LINGO2: variants seen among roughly 807,000 people sequenced by gnomAD.
LINGO2 encodes leucine rich repeat and Ig domain containing 2.
Under a neutral mutation model 30.6 loss-of-function variants are expected in LINGO2, and 14 were observed. The ratio of observed to expected loss-of-function variants is 0.46; its 90% CI spans 0.30 to 0.72. LINGO2 has a LOEUF of 0.72. LINGO2 is among the 30% of genes least tolerant of loss of function. The pLI, the probability that LINGO2 is intolerant of heterozygous loss-of-function variation, is 0.07. For synonymous variants in LINGO2, 317 were observed against 288.5 expected, an observed-to-expected ratio of 1.10 and a Z score of -1.00; for missense variants, 729 against 751.7, an observed-to-expected ratio of 0.97 and a Z score of 0.35.
At chr9:27,966,651 T>C (rs1820115274) in intron 5 of LINGO2, among the ~76,000 whole-genome samples, 1 of 152,056 alleles carries the variant, frequency 6.6e-6, no homozygotes, top group Non-Finnish European at 1.5e-5. Flanking sequence ...GACAGGTTGA[T>C]AGCTGCAGCA....
intron 4 of LINGO2, among the ~76,000 whole-genome samples, chr9:28,223,701 G>A (rs867335394): frequency 3.3e-5 from 5 of 152,292 alleles, no homozygotes; most frequent in Middle Eastern, 3.4e-3. Flanking sequence ...GAAACAGAGA[G>A]TGGGAGACAA....
At chr9:29,092,116 T>A in the LINGO2 span, among the ~76,000 whole-genome samples, 35,739 of 151,890 alleles carry the variant, frequency 0.24, 4,334 homozygotes, top group East Asian at 0.41. Context: ...ATCTGTGCCT[T>A]AGTTGTATTA....
the LINGO2 span, among the ~76,000 whole-genome samples, chr9:28,879,124 C>A: frequency 4.6e-5 from 7 of 152,202 alleles, no homozygotes; most frequent in East Asian, 1.9e-4. Flanking sequence ...TAAGCTGATA[C>A]GCAACTTCAG....
chr9:28,648,615 C>T (rs1049347166), intron 1 of LINGO2, among the ~76,000 whole-genome samples: 12 of 151,966 alleles, frequency 7.9e-5, no homozygotes, highest in Admixed American at 7.9e-4. Flanking sequence ...TTTTCATATC[C>T]AATCATGTTT....
intron 4 of LINGO2, among the ~76,000 whole-genome samples, chr9:28,183,093 G>A (rs983656898): frequency 6.6e-6 from 1 of 152,244 alleles, no homozygotes; most frequent in African/African-American, 2.4e-5. Flanking sequence ...TAAAGAAAAT[G>A]TACATACACA....
the LINGO2 span, among the ~76,000 whole-genome samples, chr9:28,711,524 G>C: frequency 6.6e-6 from 1 of 152,164 alleles, no homozygotes; most frequent in East Asian, 1.9e-4. Context: ...GAACAGCAAG[G>C]TGAGCAAGGT....
In LINGO2 at chr9:28,589,102, C is replaced by T. The variant is rs529737170; in HGVS notation, c.-365+81098G>A. Among the ~76,000 whole-genome samples, 216 of 152,136 alleles carry T rather than the reference C, an allele frequency of 1.4e-3. 1 individual carries two copies. The highest frequency in any genetic ancestry group is 5.1e-3 in the African/African-American group (212 of 41,558). ...AAGGCCTTTGAGAAAATTCAACAAC[C>T]CTTCATGCTAAAAACTCTCAATAAA... On this transcript the variant is annotated intron_variant, in intron 1 of 5. Coordinates refer to ENST00000379992, the Ensembl canonical transcript of LINGO2.
At position 28,387,415 on chromosome 9, in the gene LINGO2, C is replaced by A. The variant is rs139316402; in HGVS notation, c.-278-14547G>T. The stretch of plus-strand genomic sequence containing the variant: ...TCAGTGCTCTATAAAATGGACCAAT[C>A]AGCAGGAAGTGGGAAGGGCCAAATA... On this transcript the variant is annotated intron_variant, in intron 2 of 5. Transcript: ENST00000379992. Among the ~76,000 whole-genome samples, 10 of 152,310 alleles carry A rather than the reference C, an allele frequency of 6.6e-5. No homozygotes were observed. In the East Asian group the frequency reaches 1.7e-3, roughly 26 times the overall value.
chr9:28,648,263 G>T (rs1249602766), intron 1 of LINGO2, among the ~76,000 whole-genome samples: 2 of 152,036 alleles, frequency 1.3e-5, no homozygotes, highest in East Asian at 3.9e-4. Context: ...TGCTTCTCTA[G>T]TTGCTACAGA....
chr9:28,790,371 C>T, the LINGO2 span, among the ~76,000 whole-genome samples: 1 of 140,564 alleles, frequency 7.1e-6, no homozygotes, highest in African/African-American at 2.8e-5. Flanking sequence ...CTCTGTGGCC[C>T]AGGCTGGAGT....
rs74754158 is a variant in LINGO2, at chr9:28,339,718, T to A, written c.-246+33118A>T. Among the ~76,000 whole-genome samples, 1,140 of 152,280 alleles carry A rather than the reference T, an allele frequency of 7.5e-3. 72 individuals are homozygous for A. In the East Asian group the frequency reaches 0.15, roughly 21 times the overall value. ...TTTAATTATCATAATGAAATCTGCA[T>A]ATACTTGAAAACCAGTAGTGAATAT... On this transcript the variant is annotated intron_variant, in intron 3 of 5. Transcript: ENST00000379992.
intron 4 of LINGO2, among the ~76,000 whole-genome samples, chr9:28,161,191 G>C (rs1333778330): frequency 6.6e-6 from 1 of 152,126 alleles, no homozygotes; most frequent in Non-Finnish European, 1.5e-5. Flanking sequence ...GCTATTAATT[G>C]TTGATACCGG....
intron 1 of LINGO2, among the ~76,000 whole-genome samples, chr9:28,545,215 G>A (rs1821878497): frequency 6.6e-6 from 1 of 152,010 alleles, no homozygotes; most frequent in African/African-American, 2.4e-5. Flanking sequence ...CTGAGGGGAG[G>A]CAGACAAGGT....
Position 28,526,792 on chromosome 9 carries a change from C to T in LINGO2, c.-364-50767G>A, listed in dbSNP as rs76817600. ...GGCCTGCCCAGCCTTTCCAACTAGG[C>T]TTATTTTGGTTTTACAACGTAATAG... is the stretch of plus-strand genomic sequence containing the variant. On this transcript the variant is annotated intron_variant, in intron 1 of 5. Transcript: ENST00000379992. Among the ~76,000 whole-genome samples the T allele has an allele frequency of 8.7e-3, 1,328 of 152,220 alleles. 16 individuals carry two copies. Among genetic ancestry groups the T allele is most frequent in the South Asian group, 0.011 (55 of 4,818 alleles).
chr9:29,134,265 G>A, the LINGO2 span, among the ~76,000 whole-genome samples: 1 of 152,236 alleles, frequency 6.6e-6, no homozygotes, highest in East Asian at 1.9e-4. Context: ...ATTCACAGGA[G>A]ACAGTCAAAT....
At chr9:28,313,638 C>T (rs1824717005) in intron 3 of LINGO2, among the ~76,000 whole-genome samples, 1 of 152,156 alleles carries the variant, frequency 6.6e-6, no homozygotes, top group Non-Finnish European at 1.5e-5. Flanking sequence ...CTCTCAGAAT[C>T]ACCCTCAAAC....
At chr9:28,301,994 G>A (rs1824164973) in intron 3 of LINGO2, among the ~76,000 whole-genome samples, 1 of 152,140 alleles carries the variant, frequency 6.6e-6, no homozygotes, top group South Asian at 2.1e-4. Context: ...CTCTGTGAAG[G>A]AGAAATAAGA....
At chr9:28,521,035 C>G (rs1211919852) in intron 1 of LINGO2, among the ~76,000 whole-genome samples, 1 of 152,088 alleles carries the variant, frequency 6.6e-6, no homozygotes, top group Non-Finnish European at 1.5e-5. Flanking sequence ...TAAACTCCTT[C>G]TCAATAAATG....
At chr9:28,435,545 C>T (rs181937604) in intron 2 of LINGO2, among the ~76,000 whole-genome samples, 26 of 152,232 alleles carry the variant, frequency 1.7e-4, no homozygotes, top group Admixed American at 5.9e-4. Flanking sequence ...TATCTGACAT[C>T]AAGATTACTG....
Sources: allele counts gnomAD v4.1 joint callset (sites outside exome capture counted in the v4.1 genomes callset), GRCh38; gene constraint gnomAD v4.1.1; transcripts MANE v1.5; gene names NCBI Gene and HGNC (gene_info 2026-07-23, HGNC 2026-07-21).